Variants in SPAG16 observed in about 807,000 individuals in gnomAD.
SPAG16 encodes sperm-associated antigen 16 protein.
Under a neutral mutation model 80.4 loss-of-function variants are expected in SPAG16, and 86 were observed. The ratio of observed to expected loss-of-function variants is 1.07; its 90% CI spans 0.90 to 1.28. The LOEUF (loss-of-function observed/expected upper bound fraction) is 1.28, where lower values mean the gene tolerates loss of function less well. Ranked by LOEUF, SPAG16 falls within the 50% of genes most tolerant of loss-of-function variation. The pLI is 0.00. For missense variants in SPAG16, 870 were observed against 765.3 expected (o/e 1.14, Z -1.61); for synonymous variants, 294 against 265.9 (o/e 1.11, Z -1.03).
At chr2:213,303,126 C>T (rs2062811253) in intron 3 of SPAG16, among the ~76,000 whole-genome samples, 1 of 152,070 alleles carries the variant, frequency 6.6e-6, no homozygotes, top group African/African-American at 2.4e-5. Context: ...GTAACCAGCA[C>T]ACTGCAAAGA....
intron 10 of SPAG16, among the ~76,000 whole-genome samples, chr2:213,709,193 C>T (rs2065877636): frequency 6.6e-6 from 1 of 152,176 alleles, no homozygotes; most frequent in Non-Finnish European, 1.5e-5. Flanking sequence ...CCATGGCCCT[C>T]TTGCATATTG....
chr2:214,023,593 G>A (rs908243355), intron 13 of SPAG16, among the ~76,000 whole-genome samples: 1 of 151,610 alleles, frequency 6.6e-6, no homozygotes, highest in Admixed American at 6.6e-5. Context: ...TAATCCAATT[G>A]TTTGAAAATT....
chr2:213,303,331 T>C (rs2062819424), intron 3 of SPAG16, among the ~76,000 whole-genome samples: 1 of 152,002 alleles, frequency 6.6e-6, no homozygotes, highest in Admixed American at 6.6e-5. Flanking sequence ...TTGATACAGG[T>C]GTACAATGTG....
intron 15 of SPAG16, among the ~76,000 whole-genome samples, chr2:214,216,717 C>A (rs2058441852): frequency 6.6e-6 from 1 of 152,176 alleles, no homozygotes; most frequent in South Asian, 2.1e-4. Flanking sequence ...ATTTTCTCAC[C>A]TTTATAAAAT....
chr2:214,302,453 A>G (rs1694621116), intron 15 of SPAG16, among the ~76,000 whole-genome samples: 2 of 152,000 alleles, frequency 1.3e-5, no homozygotes, highest in African/African-American at 4.8e-5. Context: ...TTGTAGGGCT[A>G]GTGTAATAGT....
At chr2:214,081,533 T>A (rs2051395024) in intron 13 of SPAG16, among the ~76,000 whole-genome samples, 1 of 152,182 alleles carries the variant, frequency 6.6e-6, no homozygotes, top group Non-Finnish European at 1.5e-5. Flanking sequence ...GAGATTGTAA[T>A]GCTGCATCTA....
At chr2:213,307,209 TTTA>T (rs1259698942) in intron 3 of SPAG16, among the ~76,000 whole-genome samples, 1 of 151,910 alleles carries the variant, frequency 6.6e-6, no homozygotes, top group South Asian at 2.1e-4. Flanking sequence ...TTTTTTTTAC[TTTA>T]TTATTATTAT....
chr2:213,800,728 C>T (rs1318292092), intron 10 of SPAG16, among the ~76,000 whole-genome samples: 1 of 152,154 alleles, frequency 6.6e-6, no homozygotes, highest in Non-Finnish European at 1.5e-5. Flanking sequence ...AGGTATACTA[C>T]ATCCAAAAAT....
At chr2:213,756,387 G>A (rs546807941) in intron 10 of SPAG16, among the ~76,000 whole-genome samples, 1 of 152,296 alleles carries the variant, frequency 6.6e-6, no homozygotes, top group African/African-American at 2.4e-5. Flanking sequence ...TATTCGGAAG[G>A]CTGAGGCAGG....
intron 9 of SPAG16, among the ~76,000 whole-genome samples, chr2:213,399,908 G>C (rs921853698): frequency 9.2e-5 from 14 of 151,836 alleles, no homozygotes; most frequent in South Asian, 4.2e-4. Flanking sequence ...TTTCATCTGA[G>C]TTTTAAATTT....
Position 214,008,537 on chromosome 2 carries a change from G to T in SPAG16, c.1401-5414G>T, listed in dbSNP as rs149089996. ...AAGTGGGTGGATTACTTGAGGTCAG[G>T]AGTTCGACACCAGCCTGGCCGACAT... is the stretch of plus-strand genomic sequence containing the variant. On this transcript the variant is annotated intron_variant, in intron 12 of 15. Coordinates refer to ENST00000331683, the MANE Select transcript of SPAG16 (RefSeq NM_024532.5). Among the ~76,000 whole-genome samples, 76 of 152,210 alleles carry T rather than the reference G, an allele frequency of 5.0e-4. No individual in the cohort carries two copies. In the East Asian group the frequency reaches 0.014, roughly 28 times the overall value.
chr2:213,508,381 A>G lies in SPAG16; in HGVS notation c.1070+18291A>G, dbSNP rs111441623. On this transcript the variant is annotated intron_variant, in intron 10 of 15. Coordinates refer to ENST00000331683, the MANE Select transcript of SPAG16 (RefSeq NM_024532.5). ...AGGTCAGGAGATCGAGACCATCCTGACTAACAAGGTGAAACCCCGTCTCTA... is the reference window on the plus strand; with the variant it reads ...AGGTCAGGAGATCGAGACCATCCTGGCTAACAAGGTGAAACCCCGTCTCTA... Among the ~76,000 whole-genome samples the G allele has an allele frequency of 7.8e-4, 119 of 152,064 alleles. 2 individuals are homozygous for G. The highest frequency in any genetic ancestry group is 3.4e-3 in the Middle Eastern group (1 of 294).
At chr2:213,975,645 A>G (rs764935963) in intron 12 of SPAG16, among the ~76,000 whole-genome samples, 1 of 152,004 alleles carries the variant, frequency 6.6e-6, no homozygotes, top group Non-Finnish European at 1.5e-5. Context: ...ACCTGTTAAT[A>G]CATTAGAAAA....
intron 15 of SPAG16, among the ~76,000 whole-genome samples, chr2:214,204,297 C>G (rs962876715): frequency 2.0e-5 from 3 of 152,356 alleles, no homozygotes; most frequent in Non-Finnish European, 2.9e-5. Flanking sequence ...TGGCCCTGCC[C>G]ACCACCTGAT....
intron 9 of SPAG16, chr2:213,396,668 C>G (rs893770919): frequency 2.2e-6 from 1 of 456,306 alleles, no homozygotes; most frequent in African/African-American, 2.0e-5. Flanking sequence ...AAGAGAACAA[C>G]AGTGCACACC....
chr2:213,949,178 T>TTTTTTTTTTTTTTTTTTTTTGTTTTG (rs1559620229), intron 12 of SPAG16, among the ~76,000 whole-genome samples: 15 of 19,150 alleles, frequency 7.8e-4, no homozygotes, highest in South Asian at 5.7e-3. Flanking sequence ...AGTTTTTTTT[T>TTTTTTTTTTTTTTTTTTTTTGTTTTG]TTTTTTTTTT....
chr2:214,392,210 C>T (rs1214086724), intron 15 of SPAG16, among the ~76,000 whole-genome samples: 2 of 152,124 alleles, frequency 1.3e-5, no homozygotes, highest in Non-Finnish European at 2.9e-5. Context: ...ATCACCCAGG[C>T]TGGAATGCAG....
In SPAG16 at chr2:214,048,655, G is replaced by C. The variant is rs201891057; in HGVS notation, c.1527+34578G>C. ...ACCTAGTATTTGCTAACACAACAGG[G>C]TGACTATAATAAAAATTATTTAATT... On this transcript the variant is annotated intron_variant, in intron 13 of 15. Coordinates refer to ENST00000331683, the MANE Select transcript of SPAG16 (RefSeq NM_024532.5). Among the ~76,000 whole-genome samples the C allele has an allele frequency of 2.6e-5, 4 of 152,044 alleles. No individual in the cohort carries two copies. In the East Asian group the frequency reaches 7.7e-4, roughly 29 times the overall value.
At chr2:214,095,456 C>A (rs1311613405) in intron 13 of SPAG16, among the ~76,000 whole-genome samples, 1 of 152,046 alleles carries the variant, frequency 6.6e-6, no homozygotes, top group African/African-American at 2.4e-5. Context: ...TCAGGCTTAG[C>A]TCAAACTTTG....
Sources: gnomAD v4.1 joint callset for allele counts (sites outside exome capture counted in the v4.1 genomes callset) on GRCh38, gnomAD v4.1.1 for gene constraint, MANE v1.5 for transcripts, NCBI Gene and HGNC (gene_info 2026-07-23, HGNC 2026-07-21) for gene names.